QSER1: variants seen among roughly 807,000 people sequenced by gnomAD.
QSER1 encodes glutamine and serine-rich protein 1.
Under a neutral mutation model 158.5 loss-of-function variants are expected in QSER1, and 49 were observed. That is an observed-to-expected ratio of 0.31 (90% CI 0.25 to 0.39). The LOEUF (loss-of-function observed/expected upper bound fraction) is 0.39, where lower values mean the gene tolerates loss of function less well. Ranked by LOEUF, QSER1 falls within the 10% of genes least tolerant of loss-of-function variation. QSER1 has a pLI of 1.00. For synonymous variants in QSER1, 650 were observed against 715.5 expected (o/e 0.91, Z 1.46); for missense variants, 1,754 against 2,010.3 (o/e 0.87, Z 2.44).
rs774174822 is a variant in QSER1 at position 32,932,679 on chromosome 11, G to T, written c.1421G>T (p.Gly474Val). 2 of 1,613,994 alleles carry T rather than the reference G, an allele frequency of 1.2e-6. No individual in the cohort carries two copies. The highest frequency in any genetic ancestry group is 1.7e-5 in the Admixed American group (1 of 59,990). Residue 474 changes from glycine to valine, a missense_variant, in exon 4 of 13, where the codon GGT becomes GTT. Coordinates refer to ENST00000650167, the MANE Select transcript of QSER1 (RefSeq NM_001076786.3). ...LLSVSQSQNY[G>V]LVQPHNVPSI... ...TCAGTTAGTCAGTCCCAAAATTACG[G>T]TTTAGTACAGCCACATAATGTGCCA...
chr11:32,907,313 G>A (rs1851707297), intron 1 of QSER1, among the ~76,000 whole-genome samples: 1 of 152,086 alleles, frequency 6.6e-6, no homozygotes, highest in Admixed American at 6.5e-5. Flanking sequence ...TTAAATTCTT[G>A]TATTAAACCA....
In QSER1 at chr11:32,949,522, T is replaced by A. The variant is rs114650863; in HGVS notation, c.4178-4335T>A. Among the ~76,000 whole-genome samples the A allele has an allele frequency of 7.1e-3, 1,082 of 152,308 alleles. 15 individuals carry two copies. Among genetic ancestry groups the A allele is most frequent in the African/African-American group, 0.025 (1,034 of 41,564 alleles). ...TCCAACAGAAGCATGAGTTTTACAT[T>A]TAATACTTGTCAAAATGTGAAAAGA... On this transcript the variant is annotated intron_variant, in intron 4 of 12. Coordinates refer to ENST00000650167, the MANE Select transcript of QSER1 (RefSeq NM_001076786.3).
intron 8 of QSER1, among the ~76,000 whole-genome samples, chr11:32,958,870 C>G (rs910822437): frequency 1.3e-5 from 2 of 151,892 alleles, no homozygotes. Context: ...GATATCCTCT[C>G]TTAGTTTTCT....
At chr11:32,920,961 T>G (rs1024686095) in intron 1 of QSER1, among the ~76,000 whole-genome samples, 68 of 152,360 alleles carry the variant, frequency 4.5e-4, no homozygotes, top group Admixed American at 3.2e-3. Context: ...ATGTTAAACA[T>G]GGAGTTTTCA....
intron 1 of QSER1, among the ~76,000 whole-genome samples, chr11:32,905,431 C>G (rs996010115): frequency 6.6e-6 from 1 of 152,190 alleles, no homozygotes; most frequent in Non-Finnish European, 1.5e-5. Context: ...AGACATTAAA[C>G]TACTTCAAGT....
intron 1 of QSER1, among the ~76,000 whole-genome samples, chr11:32,911,177 C>G (rs750681521): frequency 2.0e-5 from 3 of 152,038 alleles, no homozygotes; most frequent in African/African-American, 7.3e-5. Flanking sequence ...TTATGGTTTC[C>G]TCTTCCTCTA....
At position 32,979,635 on chromosome 11, in the gene QSER1, CTTCT is replaced by C. The variant is rs573829795; in HGVS notation, c.*3166_*3169del. 1.6e-4 allele frequency: 24 copies of C among 148,378 alleles called. No homozygotes were observed. In the South Asian group the frequency reaches 4.4e-3, roughly 27 times the overall value. 9.2% of individuals were successfully genotyped at this position (148,378 alleles called of 1,614,324 possible). A position where few individuals can be genotyped will look rare whatever the true frequency, so the allele number is the denominator to read the frequency against. On this transcript the variant is annotated 3_prime_UTR_variant, in exon 13 of 13. Coordinates refer to ENST00000650167, the MANE Select transcript of QSER1 (RefSeq NM_001076786.3). ...TTCAGATTACTTTGAAAATTCTAAA[CTTCT>C]TTCTGTTTCCAAAACTTGAAAATAT...
chr11:32,949,947 G>A lies in QSER1; in HGVS notation c.4178-3910G>A, dbSNP rs531920112. Reference sequence around the variant, plus strand: ...GTGTTGGAAGTCTGGATTTGCCTCAGGCCCTGCTTTGGTTTTCTCTCAGCT... The same window carrying A: ...GTGTTGGAAGTCTGGATTTGCCTCAAGCCCTGCTTTGGTTTTCTCTCAGCT... On this transcript the variant is annotated intron_variant, in intron 4 of 12. Transcript: ENST00000650167. Among the ~76,000 whole-genome samples the A allele has an allele frequency of 2.1e-4, 32 of 152,252 alleles. No individual in the cohort carries two copies. The South Asian group carries it at 6.4e-3, about 31-fold the overall frequency.
chr11:32,907,886 G>A (rs139405466), intron 1 of QSER1, among the ~76,000 whole-genome samples: 168 of 152,292 alleles, frequency 1.1e-3, no homozygotes, highest in African/African-American at 3.7e-3. Context: ...GATCCCTTGA[G>A]CCCAGTAGTA....
chr11:32,906,835 C>T (rs777254707), intron 1 of QSER1, among the ~76,000 whole-genome samples: 1 of 152,168 alleles, frequency 6.6e-6, no homozygotes, highest in Non-Finnish European at 1.5e-5. Flanking sequence ...TTCTTTCATG[C>T]ATATCCCTAC....
At chr11:32,928,971 A>G (rs1034484538) in intron 3 of QSER1, among the ~76,000 whole-genome samples, 3 of 152,194 alleles carry the variant, frequency 2.0e-5, no homozygotes, top group African/African-American at 4.8e-5. Flanking sequence ...AGATTTTCCT[A>G]TCAGTATATT....
chr11:32,942,988 T>G (rs1413076582), intron 4 of QSER1, among the ~76,000 whole-genome samples: 1 of 152,160 alleles, frequency 6.6e-6, no homozygotes, highest in Non-Finnish European at 1.5e-5. Context: ...TTATTCTCTT[T>G]GAAGCAATTG....
chr11:32,934,888 A>C lies in QSER1; in HGVS notation c.3630A>C (p.Gln1210His), dbSNP rs1265898287. The C allele has an allele frequency of 5.0e-6, 8 of 1,613,854 alleles. No homozygotes were observed. Among genetic ancestry groups the C allele is most frequent in the Non-Finnish European group, 6.8e-6 (8 of 1,179,992 alleles). The change falls in exon 4 of 13, where the codon CAA becomes CAC. Residue 1210 changes from glutamine to histidine, a missense_variant. By Grantham distance (24) the Gln-to-His change is conservative. Around this residue, in one of 2 missense-constraint regions of QSER1, gnomAD observed 1,707 missense variants for 1,919.6 expected, o/e 0.89. Coordinates refer to ENST00000650167, the MANE Select transcript of QSER1 (RefSeq NM_001076786.3). Reference sequence around the variant, plus strand: ...AGAAAAGAGCTAAAGGAAAAGGGCAAGTTAAAGAGGAAGACAACAGTAATC... The same window carrying C: ...AGAAAAGAGCTAAAGGAAAAGGGCACGTTAAAGAGGAAGACAACAGTAATC... ...LQKKRAKGKG[Q>H]VKEEDNSNQK...
chr11:32,953,588 A>G (rs1852460740), intron 4 of QSER1, among the ~76,000 whole-genome samples: 1 of 152,168 alleles, frequency 6.6e-6, no homozygotes. Flanking sequence ...TTCTTTTAAA[A>G]ATAATTTTGC....
intron 8 of QSER1, among the ~76,000 whole-genome samples, chr11:32,960,930 A>G (rs113631036): frequency 0.016 from 2,443 of 152,302 alleles, 28 homozygotes; most frequent in Middle Eastern, 0.027. Context: ...CAGGACTCCA[A>G]TGGAATCTTC....
intron 1 of QSER1, among the ~76,000 whole-genome samples, chr11:32,915,232 T>C (rs548852072): frequency 1.3e-5 from 2 of 152,298 alleles, no homozygotes; most frequent in East Asian, 3.9e-4. Flanking sequence ...GAGAAAATTA[T>C]AATTTTTTTT....
At chr11:32,975,468 A>C in intron 12 of QSER1, 125 bp downstream of exon 12, 1 of 1,517,536 alleles carries the variant, frequency 6.6e-7, no homozygotes, top group Non-Finnish European at 8.8e-7. Flanking sequence ...TTGTCTATGT[A>C]TTCTGTAAAT....
chr11:32,953,821 G>T (rs1169116152), intron 4 of QSER1, 36 bp from the exon 5 acceptor site: 11 of 1,566,046 alleles, frequency 7.0e-6, no homozygotes, highest in Non-Finnish European at 9.5e-6. Context: ...TTAAATATTT[G>T]TAATACTGAT....
chr11:32,951,378 T>G (rs2133578233), intron 4 of QSER1, among the ~76,000 whole-genome samples: 1 of 152,324 alleles, frequency 6.6e-6, no homozygotes, highest in South Asian at 2.1e-4. Context: ...CTGCCAACTT[T>G]GTTCTTTTTT....
Sources: allele counts gnomAD v4.1 joint callset (sites outside exome capture counted in the v4.1 genomes callset), GRCh38; gene constraint gnomAD v4.1.1; regional missense constraint gnomAD v4.1.1; transcripts MANE v1.5; gene names NCBI Gene and HGNC (gene_info 2026-07-23, HGNC 2026-07-21).